DAPK2: variants seen among roughly 807,000 people sequenced by gnomAD.
DAPK2 encodes death-associated protein kinase 2.
DAPK2 carries 35 observed loss-of-function variants against 44.1 expected under a neutral mutation model. The ratio of observed to expected loss-of-function variants is 0.79; its 90% CI spans 0.61 to 1.05. DAPK2 has a LOEUF of 1.05. Among genes scored for constraint, DAPK2 ranks in the 50% least tolerant of loss-of-function variants. The probability of loss-of-function intolerance (pLI) is 0.00; values close to 1 mark genes in which losing one functional copy is unlikely to be tolerated. For missense variants in DAPK2, 453 were observed against 483.2 expected, an observed-to-expected ratio of 0.94 and a Z score of 0.59; for synonymous variants, 174 against 182.6, an observed-to-expected ratio of 0.95 and a Z score of 0.38.
rs1045323139 is a variant in DAPK2 at position 63,990,059 on chromosome 15, C to A, written c.93-6305G>T. Among the ~76,000 whole-genome samples the A allele has an allele frequency of 6.6e-6, 1 of 152,150 alleles. No homozygotes were observed. The highest frequency in any genetic ancestry group is 1.5e-5 in the Non-Finnish European group (1 of 68,032). On this transcript the variant is annotated intron_variant, in intron 1 of 10. Transcript: ENST00000261891. This position sits in a 1 kb window ranked among gnomAD's most constrained non-coding sequence, Gnocchi z 4.3. Reference sequence around the variant, plus strand: ...GGCCTGCATCAAGGTAGACCACTCGCACTGCCACCCACCCTCACCCTCTGT... The same window carrying A: ...GGCCTGCATCAAGGTAGACCACTCGAACTGCCACCCACCCTCACCCTCTGT...
intron 1 of DAPK2, among the ~76,000 whole-genome samples, chr15:64,002,959 T>TCGTGGGGC (rs1567266518): frequency 9.7e-6 from 1 of 103,102 alleles, no homozygotes; most frequent in African/African-American, 3.7e-5. Flanking sequence ...TGTGTGTGTG[T>TCGTGGGGC]GTGTGTCGTG....
At chr15:64,038,365 T>C (rs1459358078) in intron 1 of DAPK2, among the ~76,000 whole-genome samples, 2 of 152,196 alleles carry the variant, frequency 1.3e-5, no homozygotes, top group Admixed American at 1.3e-4. Flanking sequence ...TGGCTGTGGT[T>C]TGTTGCCGAG....
At position 63,930,288 on chromosome 15, in the gene DAPK2, G is replaced by A. The variant is rs992197556; in HGVS notation, c.632+119C>T. On this transcript the variant is annotated intron_variant, in intron 5 of 10. Transcript: ENST00000261891. ...CATCGGGGGAGCAGCCAGAGGCTCT[G>A]AACAGTGAGTGTGGAGTAAGGGGCT... The A allele has an allele frequency of 8.8e-6, 9 of 1,026,246 alleles. No individual in the cohort carries two copies. The Admixed American group carries it at 1.6e-4, about 18-fold the overall frequency. 63.6% of individuals were successfully genotyped at this position (1,026,246 alleles called of 1,614,324 possible). A position where few individuals can be genotyped will look rare whatever the true frequency, so the allele number is the denominator to read the frequency against.
chr15:63,952,236 T>C (rs2077609205), intron 3 of DAPK2, among the ~76,000 whole-genome samples: 1 of 151,940 alleles, frequency 6.6e-6, no homozygotes, highest in Admixed American at 6.6e-5. Context: ...TGAGATTCCA[T>C]CTCAAGAAAA....
intron 6 of DAPK2, among the ~76,000 whole-genome samples, chr15:63,927,418 T>G (rs1362195687): frequency 6.6e-6 from 1 of 152,156 alleles, no homozygotes; most frequent in African/African-American, 2.4e-5. Flanking sequence ...GTTCCCTACA[T>G]CCCAGTTCAA....
In DAPK2 at chr15:63,908,603, G is replaced by A; in HGVS notation, c.1033-3C>T. ...TCAGTGTCACTCTCACAGTTCCTCT[G>A]GAGAAAAAAAAGAGAAAGAGGTCCA... is the stretch of plus-strand genomic sequence containing the variant. On this transcript the variant is annotated splice_polypyrimidine_tract_variant and splice_region_variant and intron_variant, in intron 10 of 10. Transcript: ENST00000261891. This position sits in a 1 kb window ranked among gnomAD's most constrained non-coding sequence, Gnocchi z 5.7. 6.3e-7 allele frequency: 1 copy of A among 1,590,966 alleles called. No homozygotes were observed. The highest frequency in any genetic ancestry group is 1.1e-5 in the South Asian group (1 of 87,010).
chr15:64,040,548 G>A (rs561480987), upstream of DAPK2, among the ~76,000 whole-genome samples: 1 of 152,080 alleles, frequency 6.6e-6, no homozygotes, highest in South Asian at 2.1e-4. Flanking sequence ...AAACATCCAT[G>A]GTGAACTTCA....
chr15:63,971,482 G>A lies in DAPK2; in HGVS notation c.394C>T (p.Gln132Ter). 3.1e-6 allele frequency: 5 copies of A among 1,614,182 alleles called. No individual in the cohort carries two copies. The highest frequency in any genetic ancestry group is 4.2e-6 in the Non-Finnish European group (5 of 1,180,010). ...AGGTAGTTCACCCCATCCAGGATCT[G>A]CTTAATGAAGCTGGTGGCCTCCTCC... The change falls in exon 3 of 11, where the codon CAG (glutamine) becomes TAG (stop). Residue 132 changes from glutamine to a stop codon, truncating the protein, a stop_gained. Coordinates refer to ENST00000261891, the Ensembl canonical transcript of DAPK2. LOFTEE classifies it high-confidence loss of function.
intron 1 of DAPK2, among the ~76,000 whole-genome samples, chr15:64,016,073 T>C (rs187897302): frequency 6.6e-6 from 1 of 152,324 alleles, no homozygotes; most frequent in African/African-American, 2.4e-5. Context: ...GCCTCTGCTC[T>C]TCAGGGCCCA....
At chr15:63,970,623 C>T (rs1464889651) in intron 3 of DAPK2, among the ~76,000 whole-genome samples, 2 of 152,180 alleles carry the variant, frequency 1.3e-5, no homozygotes, top group African/African-American at 2.4e-5. Context: ...AATACCCAAG[C>T]ACCCAGCACC....
exon 8 of DAPK2, chr15:63,924,849 T>A: frequency 6.2e-7 from 1 of 1,614,170 alleles, no homozygotes. Context: ...CCTCTTGGAT[T>A]GTGAGCCGTT....
At position 63,939,464 on chromosome 15, in the gene DAPK2, G is replaced by A. The variant is rs2077250913; in HGVS notation, c.454-103C>T. Reference sequence around the variant, plus strand: ...TCGTGTTTTGGCTTTGGGGTTTGGGGTGGGACTTGGTGTTCTTTTTAGGAG... The same window carrying A: ...TCGTGTTTTGGCTTTGGGGTTTGGGATGGGACTTGGTGTTCTTTTTAGGAG... On this transcript the variant is annotated intron_variant, in intron 3 of 10. Coordinates refer to ENST00000261891, the Ensembl canonical transcript of DAPK2. This position sits in a 1 kb window ranked among gnomAD's most constrained non-coding sequence, Gnocchi z 4.3. 9.1e-7 allele frequency: 1 copy of A among 1,094,126 alleles called. No individual in the cohort carries two copies. Among genetic ancestry groups the A allele is most frequent in the Non-Finnish European group, 1.3e-6 (1 of 775,304 alleles). 67.8% of individuals were successfully genotyped at this position (1,094,126 alleles called of 1,614,324 possible). A position where few individuals can be genotyped will look rare whatever the true frequency, so the allele number is the denominator to read the frequency against.
chr15:63,971,623 C>G (rs764932376), intron 2 of DAPK2, 62 bp from the exon 4 acceptor site: 2 of 1,577,718 alleles, frequency 1.3e-6, no homozygotes, highest in Non-Finnish European at 1.7e-6. Flanking sequence ...TGTCATGAGG[C>G]TGGGCTGATA....
At chr15:64,031,019 A>C (rs1681722321) in intron 1 of DAPK2, among the ~76,000 whole-genome samples, 1 of 114,594 alleles carries the variant, frequency 8.7e-6, no homozygotes, top group African/African-American at 3.4e-5. Flanking sequence ...CACACACGGA[A>C]TTTGCATAGT....
Position 63,923,685 on chromosome 15 carries a change from C to T in DAPK2, c.858+1131G>A, listed in dbSNP as rs934275279. On this transcript the variant is annotated intron_variant, in intron 8 of 10. Coordinates refer to ENST00000261891, the Ensembl canonical transcript of DAPK2. This position sits in a 1 kb window ranked among gnomAD's most constrained non-coding sequence, Gnocchi z 4.2. Reference sequence around the variant, plus strand: ...CTGGAGCACGCAAGGCCAGGGCTCACGCAGCAGGGCTGAGGAGCATCTCTC... The same window carrying T: ...CTGGAGCACGCAAGGCCAGGGCTCATGCAGCAGGGCTGAGGAGCATCTCTC... Among the ~76,000 whole-genome samples the T allele has an allele frequency of 2.6e-5, 4 of 152,222 alleles. No homozygotes were observed. Among genetic ancestry groups the T allele is most frequent in the Non-Finnish European group, 2.9e-5 (2 of 68,042 alleles).
At chr15:63,976,458 C>T (rs2078349773) in intron 2 of DAPK2, among the ~76,000 whole-genome samples, 1 of 152,162 alleles carries the variant, frequency 6.6e-6, no homozygotes, top group African/African-American at 2.4e-5. Context: ...GTGGCTCACA[C>T]CTGTAATCTC....
chr15:63,924,331 G>A (rs2079176720), intron 8 of DAPK2, among the ~76,000 whole-genome samples: 1 of 152,140 alleles, frequency 6.6e-6, no homozygotes. Context: ...CCAGGCCTCT[G>A]TCTCAGGCCC....
chr15:63,942,138 G>A, intron 3 of DAPK2: 1 of 862,610 alleles, frequency 1.2e-6, no homozygotes, highest in Non-Finnish European at 1.4e-6. Context: ...GGAGCAGTAG[G>A]GATGAGGTGG....
rs1039495792 is a variant in DAPK2 at position 63,912,822 on chromosome 15, G to T, written c.859-625C>A. Reference sequence around the variant, plus strand: ...GGGTTGTTAAGGATTATATGATCATGCATATATAAAGTGCTTAGCCCAGCA... The same window carrying T: ...GGGTTGTTAAGGATTATATGATCATTCATATATAAAGTGCTTAGCCCAGCA... On this transcript the variant is annotated intron_variant, in intron 8 of 10. Coordinates refer to ENST00000261891, the Ensembl canonical transcript of DAPK2. The surrounding 1 kb of genome is among the most constrained non-coding windows in gnomAD (Gnocchi z 4.4). Among the ~76,000 whole-genome samples, 3 of 152,156 alleles carry T rather than the reference G, an allele frequency of 2.0e-5. No homozygotes were observed. The South Asian group carries it at 6.2e-4, about 32-fold the overall frequency.
Sources: gnomAD v4.1 joint callset for allele counts (sites outside exome capture counted in the v4.1 genomes callset) on GRCh38, gnomAD v4.1.1 for gene constraint, Gnocchi (gnomAD v3.1) non-coding constraint, MANE v1.5 for transcripts, NCBI Gene and HGNC (gene_info 2026-07-23, HGNC 2026-07-21) for gene names.